SLC24A3: variants seen among roughly 807,000 people sequenced by gnomAD.
SLC24A3 encodes solute carrier family 24 member 3, also known as sodium/potassium/calcium exchanger 3.
Under a neutral mutation model 75.8 loss-of-function variants are expected in SLC24A3, and 28 were observed. The observed-to-expected ratio is 0.37, with a 90% CI of 0.27 to 0.51. The LOEUF (loss-of-function observed/expected upper bound fraction) is 0.51, where lower values mean the gene tolerates loss of function less well. SLC24A3 is among the 20% of genes least tolerant of loss of function. SLC24A3 has a pLI of 0.94. For synonymous variants in SLC24A3, 372 were observed against 334.1 expected, an observed-to-expected ratio of 1.11 and a Z score of -1.24; for missense variants, 663 against 847.8, an observed-to-expected ratio of 0.78 and a Z score of 2.71.
intron 2 of SLC24A3, among the ~76,000 whole-genome samples, chr20:19,365,586 A>C (rs1985874342): frequency 6.6e-6 from 1 of 152,210 alleles, no homozygotes; most frequent in Admixed American, 6.5e-5. Flanking sequence ...CTATACAGAA[A>C]AGCACATGGT....
chr20:19,492,124 CT>C (rs1234929743), intron 2 of SLC24A3, among the ~76,000 whole-genome samples: 2 of 152,132 alleles, frequency 1.3e-5, no homozygotes, highest in Non-Finnish European at 2.9e-5. Flanking sequence ...AGTTATCTAC[CT>C]TTTGATAGGA....
chr20:19,624,307 A>G (rs1342268390), intron 6 of SLC24A3, among the ~76,000 whole-genome samples: 2 of 152,198 alleles, frequency 1.3e-5, no homozygotes, highest in Non-Finnish European at 2.9e-5. Flanking sequence ...CCAGCATTCT[A>G]GAACTCAGGC....
chr20:19,584,919 C>T (rs893343639), intron 4 of SLC24A3, 52 bp from the exon 5 acceptor site: 1 of 1,551,364 alleles, frequency 6.4e-7, no homozygotes, highest in East Asian at 2.3e-5. Flanking sequence ...AGTCACCTCT[C>T]TTCCGAGATG....
At chr20:19,465,552 A>G (rs1159579461) in intron 2 of SLC24A3, among the ~76,000 whole-genome samples, 1 of 152,184 alleles carries the variant, frequency 6.6e-6, no homozygotes, top group Non-Finnish European at 1.5e-5. Context: ...GTGCCATTAT[A>G]TTAGTGATTC....
intron 1 of SLC24A3, among the ~76,000 whole-genome samples, chr20:19,260,740 C>T (rs1982958269): frequency 1.3e-5 from 2 of 152,186 alleles, no homozygotes; most frequent in Admixed American, 6.5e-5. Context: ...TCCTCTGCCA[C>T]CCTTTGCAGA....
At chr20:19,663,181 C>T (rs574839932) in intron 7 of SLC24A3, among the ~76,000 whole-genome samples, 1 of 152,014 alleles carries the variant, frequency 6.6e-6, no homozygotes, top group Non-Finnish European at 1.5e-5. Flanking sequence ...GATTCTCCCA[C>T]CTTGATCTCC....
chr20:19,593,085 C>T (rs982620500), intron 6 of SLC24A3, among the ~76,000 whole-genome samples: 2 of 152,266 alleles, frequency 1.3e-5, no homozygotes, highest in Middle Eastern at 3.4e-3. Flanking sequence ...CGTGAGCCAC[C>T]GCACATGGCT....
At chr20:19,649,356 A>C (rs1568684808) in intron 6 of SLC24A3, among the ~76,000 whole-genome samples, 1 of 152,188 alleles carries the variant, frequency 6.6e-6, no homozygotes, top group African/African-American at 2.4e-5. Context: ...ACCACCAATG[A>C]GCTGTAGTGG....
intron 15 of SLC24A3, among the ~76,000 whole-genome samples, chr20:19,711,529 C>T (rs984321402): frequency 1.1e-4 from 16 of 151,466 alleles, no homozygotes; most frequent in African/African-American, 3.9e-4. Flanking sequence ...GGCAAACACA[C>T]ACATGCATGC....
At chr20:19,582,570 C>A (rs1222167737) in intron 4 of SLC24A3, among the ~76,000 whole-genome samples, 1 of 152,212 alleles carries the variant, frequency 6.6e-6, no homozygotes, top group Non-Finnish European at 1.5e-5. Context: ...TGGGGTCAGG[C>A]AGGCCCTGGT....
intron 1 of SLC24A3, among the ~76,000 whole-genome samples, chr20:19,240,733 A>T (rs1444442825): frequency 6.6e-6 from 1 of 152,204 alleles, no homozygotes; most frequent in Non-Finnish European, 1.5e-5. Flanking sequence ...CTGATCCCAC[A>T]GGGTGCTCTG....
At chr20:19,572,340 C>T (rs2031066041) in intron 3 of SLC24A3, among the ~76,000 whole-genome samples, 1 of 151,980 alleles carries the variant, frequency 6.6e-6, no homozygotes, top group South Asian at 2.1e-4. Context: ...AGCATGACCC[C>T]ATCTCTAAAA....
intron 2 of SLC24A3, among the ~76,000 whole-genome samples, chr20:19,334,427 A>G (rs1009967492): frequency 2.1e-5 from 3 of 145,152 alleles, no homozygotes; most frequent in African/African-American, 8.4e-5. Context: ...GTATATCAAC[A>G]CAGTAAAAAA....
chr20:19,340,480 T>C (rs1985246801), intron 2 of SLC24A3, among the ~76,000 whole-genome samples: 1 of 152,206 alleles, frequency 6.6e-6, no homozygotes, highest in Non-Finnish European at 1.5e-5. Context: ...CCAATCAGTC[T>C]GTGGTAGTTT....
At chr20:19,578,172 G>A (rs528484590) in intron 3 of SLC24A3, among the ~76,000 whole-genome samples, 13 of 152,308 alleles carry the variant, frequency 8.5e-5, no homozygotes, top group African/African-American at 2.9e-4. Context: ...CTGCTTAAGT[G>A]TAAAAGGCCT....
At chr20:19,618,535 A>C (rs2031766276) in intron 6 of SLC24A3, among the ~76,000 whole-genome samples, 1 of 152,156 alleles carries the variant, frequency 6.6e-6, no homozygotes. Context: ...CCTAGCTCCA[A>C]ATACAGCTGC....
chr20:19,366,639 T>C (rs780615327), intron 2 of SLC24A3, among the ~76,000 whole-genome samples: 1 of 152,140 alleles, frequency 6.6e-6, no homozygotes, highest in Non-Finnish European at 1.5e-5. Flanking sequence ...ATGGGACCCT[T>C]AGTAAAGATG....
At chr20:19,451,940 G>GCCT (rs1001628229) in intron 2 of SLC24A3, among the ~76,000 whole-genome samples, 1 of 152,136 alleles carries the variant, frequency 6.6e-6, no homozygotes, top group Non-Finnish European at 1.5e-5. Context: ...TTTACCAAGA[G>GCCT]CCTCCCTCCC....
intron 2 of SLC24A3, among the ~76,000 whole-genome samples, chr20:19,414,625 G>A (rs1283363712): frequency 6.6e-6 from 1 of 152,146 alleles, no homozygotes; most frequent in East Asian, 1.9e-4. Context: ...TCTTACATCA[G>A]TTATCTCAGG....
Sources: allele counts gnomAD v4.1 joint callset (sites outside exome capture counted in the v4.1 genomes callset), GRCh38; gene constraint gnomAD v4.1.1; transcripts MANE v1.5; gene names NCBI Gene and HGNC (gene_info 2026-07-23, HGNC 2026-07-21).